STON2: variants seen among roughly 807,000 people sequenced by gnomAD.
The protein encoded by STON2 is stonin-2.
STON2 carries 29 observed loss-of-function variants against 65.7 expected under a neutral mutation model. The observed-to-expected ratio is 0.44, with a 90% CI of 0.33 to 0.60. STON2 has a LOEUF of 0.60. Ranked by LOEUF, STON2 falls within the 20% of genes least tolerant of loss-of-function variation. STON2 has a pLI of 0.03. For missense variants in STON2, 1,054 were observed against 1,118.1 expected, an observed-to-expected ratio of 0.94 and a Z score of 0.82; for synonymous variants, 404 against 414.2, an observed-to-expected ratio of 0.98 and a Z score of 0.30.
At chr14:81,321,477 A>G (rs919951828) in intron 5 of STON2, among the ~76,000 whole-genome samples, 2 of 152,254 alleles carry the variant, frequency 1.3e-5, no homozygotes, top group Non-Finnish European at 1.5e-5. Flanking sequence ...TGATGCAGCA[A>G]CTGGTAAGGA....
At chr14:81,436,429 C>G (rs1292731305) in exon 1 of STON2, 1 of 151,664 alleles carries the variant, frequency 6.6e-6, no homozygotes, top group African/African-American at 2.4e-5. Context: ...TCGCCACGAT[C>G]CCTCCCGGCC....
intron 2 of STON2, among the ~76,000 whole-genome samples, chr14:81,421,536 A>T (rs1901703854): frequency 6.6e-6 from 1 of 152,244 alleles, no homozygotes; most frequent in African/African-American, 2.4e-5. Flanking sequence ...GCATCGCAAG[A>T]TGGGGGATAG....
chr14:81,298,506 G>A (rs1317267028), intron 5 of STON2, among the ~76,000 whole-genome samples: 1 of 152,106 alleles, frequency 6.6e-6, no homozygotes, highest in African/African-American at 2.4e-5. Flanking sequence ...TCTGTTGCAA[G>A]TCATTAAATT....
rs80262705 is a variant in STON2 at position 81,270,573 on chromosome 14, C to G, written c.2784+97G>C. ...TCTAAGGCAGTAAGAGGTTACCAGG[C>G]GAACATAGTAAGCATGGCTAAAAGG... On this transcript the variant is annotated intron_variant, in intron 7 of 7. Transcript: ENST00000614646. 5 of 1,606,400 alleles carry G rather than the reference C, an allele frequency of 3.1e-6. No homozygotes were observed. The highest frequency in any genetic ancestry group is 4.3e-6 in the Non-Finnish European group (5 of 1,174,742).
At chr14:81,410,278 CAAAAAAAAAAAAAAAAAA>C (rs1161157573) in intron 2 of STON2, among the ~76,000 whole-genome samples, 1 of 45,798 alleles carries the variant, frequency 2.2e-5, no homozygotes, top group African/African-American at 6.4e-5. Context: ...TAACTCTAAC[CAAAAAAAAAAAAAAAAAA>C]AAAAAAAAAA....
At position 81,262,633 on chromosome 14, in the gene STON2, A is replaced by T; in HGVS notation, c.*5781T>A. The T allele has an allele frequency of 3.0e-6, 3 of 985,458 alleles. No individual in the cohort carries two copies. Among genetic ancestry groups the T allele is most frequent in the Non-Finnish European group, 3.6e-6 (3 of 829,932 alleles). The allele number at this position is 985,458 out of a possible 1,614,324, so 61.0% of individuals were successfully genotyped here. On this transcript the variant is annotated 3_prime_UTR_variant, in exon 8 of 8. Transcript: ENST00000614646. ...AATGATCATTTGCCTCTCTCCAGGC[A>T]CTACCAAACTCATTACTGTGGATAG... is the stretch of plus-strand genomic sequence containing the variant.
In STON2 at chr14:81,423,474, G is replaced by C. The variant is rs190692534; in HGVS notation, c.-199+3628C>G. 7.0e-3 allele frequency among the ~76,000 whole-genome samples: 1,061 copies of C among 152,150 alleles called. 8 individuals are homozygous for C. The highest frequency in any genetic ancestry group is 0.011 in the Non-Finnish European group (743 of 68,022). On this transcript the variant is annotated intron_variant, in intron 2 of 8. Transcript: ENST00000553821. Reference sequence around the variant, plus strand: ...AACTTATCTGGCTCAAGTTGCTTTCGGGCCTTTCAAAACAAAACAAAATTA... The same window carrying C: ...AACTTATCTGGCTCAAGTTGCTTTCCGGCCTTTCAAAACAAAACAAAATTA...
At chr14:81,294,180 G>A (rs1289032458) in intron 5 of STON2, among the ~76,000 whole-genome samples, 1 of 152,152 alleles carries the variant, frequency 6.6e-6, no homozygotes, top group Non-Finnish European at 1.5e-5. Context: ...TAACTATTGA[G>A]CAAAAATATT....
chr14:81,390,897 C>A (rs1900048360), intron 3 of STON2, among the ~76,000 whole-genome samples: 1 of 152,204 alleles, frequency 6.6e-6, no homozygotes. Context: ...TTGTATCTTG[C>A]AGCTTCTGGT....
chr14:81,263,939 A>G lies in STON2; in HGVS notation c.*4475T>C, dbSNP rs890619588. The G allele has an allele frequency of 2.0e-6, 2 of 985,308 alleles. No homozygotes were observed. Among genetic ancestry groups the G allele is most frequent in the African/African-American group, 1.7e-5 (1 of 57,238 alleles). The allele number at this position is 985,308 out of a possible 1,614,324, so 61.0% of individuals were successfully genotyped here. On this transcript the variant is annotated 3_prime_UTR_variant, in exon 8 of 8. Coordinates refer to ENST00000614646, the MANE Select transcript of STON2 (RefSeq NM_001394390.1). Reference sequence around the variant, plus strand: ...TTATCTCACAAATTTTGACCTTACTATCTCAGACCTCCATCTTACTGTGGT... The same window carrying G: ...TTATCTCACAAATTTTGACCTTACTGTCTCAGACCTCCATCTTACTGTGGT...
chr14:81,304,148 ATCTT>A (rs999777165), intron 5 of STON2, among the ~76,000 whole-genome samples: 1 of 152,098 alleles, frequency 6.6e-6, no homozygotes, highest in African/African-American at 2.4e-5. Flanking sequence ...TACGTATCTC[ATCTT>A]TCTAATTATG....
At chr14:81,395,665 T>A in intron 3 of STON2, 4 of 527,566 alleles carry the variant, frequency 7.6e-6, no homozygotes, top group Non-Finnish European at 1.0e-5. Flanking sequence ...GGGACAAGAG[T>A]AAAGGACTAG....
rs1380113166 is a variant in STON2 at position 81,266,122 on chromosome 14, T to C, written c.*2292A>G. 4.1e-6 allele frequency: 4 copies of C among 981,514 alleles called. No homozygotes were observed. The highest frequency in any genetic ancestry group is 4.8e-6 in the Non-Finnish European group (4 of 826,416). The allele number at this position is 981,514 out of a possible 1,614,324, so 60.8% of individuals were successfully genotyped here. On this transcript the variant is annotated 3_prime_UTR_variant, in exon 8 of 8. Transcript: ENST00000614646. ...ATGAAGTTAGAGAGTCTTATTACTA[T>C]TGAGACTAAACCTATATTTAGAAGG...
At chr14:81,290,265 C>T (rs1895503086) in intron 5 of STON2, among the ~76,000 whole-genome samples, 2 of 152,190 alleles carry the variant, frequency 1.3e-5, no homozygotes, top group South Asian at 2.1e-4. Flanking sequence ...TCTTCGCCTT[C>T]ACAGTCCTGA....
intron 3 of STON2, among the ~76,000 whole-genome samples, chr14:81,391,162 G>A (rs1900059552): frequency 6.6e-6 from 1 of 152,182 alleles, no homozygotes; most frequent in South Asian, 2.1e-4. Flanking sequence ...AGGTTCCAGG[G>A]AGGACAACCT....
At chr14:81,339,226 A>G (rs988182191) in intron 4 of STON2, among the ~76,000 whole-genome samples, 5 of 152,234 alleles carry the variant, frequency 3.3e-5, no homozygotes, top group African/African-American at 1.2e-4. Context: ...TAATAAACAC[A>G]GCTACCCTAA....
At position 81,265,384 on chromosome 14, in the gene STON2, G is replaced by T; in HGVS notation, c.*3030C>A. The stretch of plus-strand genomic sequence containing the variant: ...AATAATAATTTGTGGGTCCAGCATG[G>T]TGGCTCACGCCTGTAATCCCAGAGC... On this transcript the variant is annotated 3_prime_UTR_variant, in exon 8 of 8. Transcript: ENST00000614646. 1.0e-6 allele frequency: 1 copy of T among 978,154 alleles called. No individual in the cohort carries two copies. Among genetic ancestry groups the T allele is most frequent in the Middle Eastern group, 5.3e-4 (1 of 1,900 alleles). 60.6% of individuals were successfully genotyped at this position (978,154 alleles called of 1,614,324 possible).
chr14:81,283,900 C>T (rs1895231874), intron 5 of STON2, among the ~76,000 whole-genome samples: 6 of 152,182 alleles, frequency 3.9e-5, no homozygotes, highest in Admixed American at 3.9e-4. Context: ...TACAACAGCA[C>T]GTGCTCACTC....
At chr14:81,397,163 T>A (rs1319767604) in intron 2 of STON2, among the ~76,000 whole-genome samples, 1 of 152,192 alleles carries the variant, frequency 6.6e-6, no homozygotes. Context: ...AGAAGTCAAT[T>A]TTTCTGTATA....
Sources: gnomAD v4.1 joint callset for allele counts (sites outside exome capture counted in the v4.1 genomes callset) on GRCh38, gnomAD v4.1.1 for gene constraint, MANE v1.5 for transcripts, NCBI Gene and HGNC (gene_info 2026-07-23, HGNC 2026-07-21) for gene names.